The following ATF2 variants were observed in gnomAD, a reference collection of about 807,000 sequenced individuals.
ATF2 encodes cyclic AMP-dependent transcription factor ATF-2.
Under a neutral mutation model 60.6 loss-of-function variants are expected in ATF2, and 24 were observed. The observed-to-expected ratio is 0.40, with a 90% CI of 0.29 to 0.56. ATF2 has a LOEUF of 0.56. ATF2 is among the 20% of genes least tolerant of loss of function. The pLI, the probability that ATF2 is intolerant of heterozygous loss-of-function variation, is 0.54. For synonymous variants in ATF2, 206 were observed against 215.4 expected (o/e 0.96, Z 0.38); for missense variants, 433 against 607.7 (o/e 0.71, Z 3.02).
intron 7 of ATF2, among the ~76,000 whole-genome samples, chr2:175,116,029 T>C (rs1696536901): frequency 6.6e-6 from 1 of 151,966 alleles, no homozygotes. Context: ...ATGAACACAA[T>C]AGAGAGGCAT....
chr2:175,078,807 A>G (rs920096174), intron 13 of ATF2, among the ~76,000 whole-genome samples: 8 of 152,182 alleles, frequency 5.3e-5, no homozygotes, highest in Non-Finnish European at 1.5e-5. Flanking sequence ...TTTTACTACT[A>G]CACAACAGAG....
At chr2:175,116,950 T>C (rs1696616079) in intron 7 of ATF2, among the ~76,000 whole-genome samples, 1 of 151,926 alleles carries the variant, frequency 6.6e-6, no homozygotes, top group Non-Finnish European at 1.5e-5. Context: ...AAAAGTATGA[T>C]TTGGGGAACT....
At chr2:175,145,059 T>G (rs1698851700) in intron 2 of ATF2, among the ~76,000 whole-genome samples, 5 of 152,240 alleles carry the variant, frequency 3.3e-5, no homozygotes, top group Admixed American at 2.6e-4. Context: ...TTGAAGATAC[T>G]AATGGTAACT....
intron 4 of ATF2, among the ~76,000 whole-genome samples, chr2:175,125,631 G>A (rs941223725): frequency 6.6e-6 from 1 of 151,974 alleles, no homozygotes; most frequent in Non-Finnish European, 1.5e-5. Context: ...TATACAAAGG[G>A]TTATGTAGAA....
In ATF2 at chr2:175,165,320, G is replaced by A. The variant is rs552767731; in HGVS notation, c.-143+2730C>T. Reference sequence around the variant, plus strand: ...ATATTCTCCAATGACATTTTAGTAAGAATAAAAAAGAGAAAGAAATGCCTA... The same window carrying A: ...ATATTCTCCAATGACATTTTAGTAAAAATAAAAAAGAGAAAGAAATGCCTA... On this transcript the variant is annotated intron_variant, in intron 1 of 13. Transcript: ENST00000264110. Among the ~76,000 whole-genome samples, 27 of 152,132 alleles carry A rather than the reference G, an allele frequency of 1.8e-4. No individual in the cohort carries two copies. The South Asian group carries it at 2.9e-3, about 16-fold the overall frequency.
At chr2:175,128,822 C>A (rs1358076333) in intron 4 of ATF2, among the ~76,000 whole-genome samples, 2 of 152,114 alleles carry the variant, frequency 1.3e-5, no homozygotes, top group African/African-American at 4.8e-5. Context: ...AGAACTCCTA[C>A]AACTCAATAA....
In ATF2 at chr2:175,072,950, AT is replaced by A. The variant is rs1373938535; in HGVS notation, c.*1658del. ...GATATTTCCTTGAATTATCAAGGAT[AT>A]TCCATACAGACTTTTAAAATGTCAG... On this transcript the variant is annotated 3_prime_UTR_variant, in exon 14 of 14. Coordinates refer to ENST00000264110, the MANE Select transcript of ATF2 (RefSeq NM_001880.4). 6.6e-6 allele frequency: 1 copy of A among 152,144 alleles called. No individual in the cohort carries two copies. Among genetic ancestry groups the A allele is most frequent in the Non-Finnish European group, 1.5e-5 (1 of 68,016 alleles). The allele number at this position is 152,144 out of a possible 1,614,324, so 9.4% of individuals were successfully genotyped here.
intron 13 of ATF2, among the ~76,000 whole-genome samples, chr2:175,077,667 A>G (rs1182694955): frequency 6.6e-6 from 1 of 152,218 alleles, no homozygotes; most frequent in Non-Finnish European, 1.5e-5. Context: ...ATAAGGGATG[A>G]ATGCTTACCT....
chr2:175,155,289 T>C (rs1699603568), intron 1 of ATF2, among the ~76,000 whole-genome samples: 1 of 152,166 alleles, frequency 6.6e-6, no homozygotes, highest in African/African-American at 2.4e-5. Flanking sequence ...TTGTAGAAGC[T>C]TCCATGGAAC....
intron 10 of ATF2, among the ~76,000 whole-genome samples, chr2:175,100,058 C>T (rs1159481859): frequency 6.6e-6 from 1 of 152,172 alleles, no homozygotes; most frequent in Admixed American, 6.5e-5. Flanking sequence ...ATGTAATATC[C>T]TAGTGCTTTC....
chr2:175,137,101 G>T (rs1312356964), intron 2 of ATF2, among the ~76,000 whole-genome samples: 1 of 152,124 alleles, frequency 6.6e-6, no homozygotes, highest in Non-Finnish European at 1.5e-5. Flanking sequence ...AGCTAATGGT[G>T]CATAGAGGAA....
At chr2:175,108,566 C>T (rs1695919706) in intron 10 of ATF2, among the ~76,000 whole-genome samples, 1 of 150,744 alleles carries the variant, frequency 6.6e-6, no homozygotes, top group South Asian at 2.1e-4. Context: ...TGGGGGGCGC[C>T]TCCGCCCGGC....
rs1201700553 is a variant in ATF2, at chr2:175,097,377, G to GT, written c.978+66dup. 4.5e-6 allele frequency: 7 copies of GT among 1,558,768 alleles called. No homozygotes were observed. In the African/African-American group the frequency reaches 8.3e-5, roughly 18 times the overall value. Reference sequence around the variant, plus strand: ...CAGAGTAATATTTTTTAAATAAGCCGTAAGTTACACTGTACTTTTCTGTTT... The same window carrying GT: ...CAGAGTAATATTTTTTAAATAAGCCGTTAAGTTACACTGTACTTTTCTGTTT... On this transcript the variant is annotated intron_variant, in intron 11 of 13. Transcript: ENST00000264110.
At chr2:175,163,503 CA>C (rs1178874416) in intron 1 of ATF2, among the ~76,000 whole-genome samples, 5 of 151,796 alleles carry the variant, frequency 3.3e-5, no homozygotes, top group Admixed American at 6.6e-5. Context: ...GGTAGAAAGG[CA>C]AAAAAGTGGC....
At chr2:175,094,881 T>A (rs1400165113) in intron 11 of ATF2, among the ~76,000 whole-genome samples, 4 of 152,088 alleles carry the variant, frequency 2.6e-5, no homozygotes, top group African/African-American at 9.7e-5. Context: ...AAGTCGAGGC[T>A]GCAGTGAGCC....
In ATF2 at chr2:175,073,679, T is replaced by C. The variant is rs1693088774; in HGVS notation, c.*930A>G. 1.3e-5 allele frequency: 2 copies of C among 152,088 alleles called. No homozygotes were observed. The highest frequency in any genetic ancestry group is 4.8e-5 in the African/African-American group (2 of 41,398). The allele number at this position is 152,088 out of a possible 1,614,324, so 9.4% of individuals were successfully genotyped here. On this transcript the variant is annotated 3_prime_UTR_variant, in exon 14 of 14. Coordinates refer to ENST00000264110, the MANE Select transcript of ATF2 (RefSeq NM_001880.4). Reference sequence around the variant, plus strand: ...AATGGGGGTAAACAGTCTTAAATTTTCTAAGTAGTAATTTTAGGCTTTTCT... The same window carrying C: ...AATGGGGGTAAACAGTCTTAAATTTCCTAAGTAGTAATTTTAGGCTTTTCT...
intron 10 of ATF2, among the ~76,000 whole-genome samples, chr2:175,108,569 C>G (rs1329622178): frequency 6.6e-6 from 1 of 151,116 alleles, no homozygotes; most frequent in Non-Finnish European, 1.5e-5. Flanking sequence ...GGGGCGCCTC[C>G]GCCCGGCCAG....
At chr2:175,149,229 A>G (rs1407698550) in intron 2 of ATF2, among the ~76,000 whole-genome samples, 1 of 152,048 alleles carries the variant, frequency 6.6e-6, no homozygotes, top group Non-Finnish European at 1.5e-5. Flanking sequence ...TATATAAGCT[A>G]TGGCCCTGGG....
intron 11 of ATF2, among the ~76,000 whole-genome samples, chr2:175,093,578 T>A (rs936825173): frequency 6.6e-6 from 1 of 152,120 alleles, no homozygotes; most frequent in Non-Finnish European, 1.5e-5. Context: ...TATATAGAAA[T>A]ATTTTTCCAA....
Sources: allele counts gnomAD v4.1 joint callset (sites outside exome capture counted in the v4.1 genomes callset), GRCh38; gene constraint gnomAD v4.1.1; transcripts MANE v1.5; gene names NCBI Gene and HGNC (gene_info 2026-07-23, HGNC 2026-07-21).